The following CALN1 variants were observed in gnomAD, a reference collection of about 807,000 sequenced individuals.
CALN1 encodes the protein calneuron 1.
A neutral mutation model predicts 30.6 loss-of-function variants in CALN1; 17 were observed. The ratio of observed to expected loss-of-function variants is 0.56; its 90% CI spans 0.38 to 0.83. The LOEUF (loss-of-function observed/expected upper bound fraction) is 0.83, where lower values mean the gene tolerates loss of function less well. Among genes scored for constraint, CALN1 ranks in the 40% least tolerant of loss-of-function variants. The pLI is 0.00. For synonymous variants in CALN1, 156 were observed against 131.4 expected, an observed-to-expected ratio of 1.19 and a Z score of -1.28; for missense variants, 291 against 354.9, an observed-to-expected ratio of 0.82 and a Z score of 1.45.
At chr7:72,238,762 G>T (rs992528193) in intron 3 of CALN1, among the ~76,000 whole-genome samples, 2 of 152,136 alleles carry the variant, frequency 1.3e-5, no homozygotes, top group South Asian at 2.1e-4. Flanking sequence ...CACCATGATT[G>T]TAAGTTTCCT....
chr7:72,314,940 A>C (rs1034182827), intron 2 of CALN1, among the ~76,000 whole-genome samples: 28 of 149,944 alleles, frequency 1.9e-4, no homozygotes, highest in Non-Finnish European at 3.8e-4. Flanking sequence ...TTGAGGCCAG[A>C]GTTCAAGACC....
intron 3 of CALN1, among the ~76,000 whole-genome samples, chr7:72,278,441 C>A (rs1585340761): frequency 6.7e-6 from 1 of 149,624 alleles, no homozygotes. Flanking sequence ...ACCGAAATAT[C>A]CACCATAGAT....
chr7:71,997,245 GAAAGA>G (rs1000634278), intron 5 of CALN1, among the ~76,000 whole-genome samples: 4 of 150,368 alleles, frequency 2.7e-5, no homozygotes, highest in African/African-American at 4.9e-5. Flanking sequence ...AAAAAAAAAA[GAAAGA>G]AAGAAAGAAT....
At chr7:72,209,847 T>C (rs1792267426) in intron 3 of CALN1, among the ~76,000 whole-genome samples, 1 of 152,120 alleles carries the variant, frequency 6.6e-6, no homozygotes, top group Non-Finnish European at 1.5e-5. Context: ...AAGGCTTAGG[T>C]TCTGTTTCTT....
chr7:72,357,359 G>A (rs1457697370), intron 2 of CALN1, among the ~76,000 whole-genome samples: 1 of 151,990 alleles, frequency 6.6e-6, no homozygotes, highest in Non-Finnish European at 1.5e-5. Context: ...CTCCAGCGGA[G>A]AGGCCTCGTG....
At chr7:72,100,536 G>C (rs1806577767) in intron 4 of CALN1, among the ~76,000 whole-genome samples, 2 of 152,004 alleles carry the variant, frequency 1.3e-5, no homozygotes, top group South Asian at 4.2e-4. Flanking sequence ...AATAACTTCT[G>C]AGCCGGGCGC....
intron 4 of CALN1, among the ~76,000 whole-genome samples, chr7:72,071,058 A>C (rs142462556): frequency 1.1e-4 from 17 of 152,240 alleles, no homozygotes; most frequent in Non-Finnish European, 2.4e-4. Flanking sequence ...ATTCCAGGCT[A>C]TTGAAGGCTT....
At chr7:72,040,974 C>G (rs1020618676) in intron 4 of CALN1, among the ~76,000 whole-genome samples, 1 of 152,134 alleles carries the variant, frequency 6.6e-6, no homozygotes, top group African/African-American at 2.4e-5. Context: ...TAGAGAAGAA[C>G]AATGGGATAG....
chr7:72,074,209 G>A (rs1804583943), intron 4 of CALN1, among the ~76,000 whole-genome samples: 1 of 152,156 alleles, frequency 6.6e-6, no homozygotes, highest in Non-Finnish European at 1.5e-5. Context: ...CCAGTGAGGA[G>A]ATATAAAAGA....
At chr7:72,306,371 T>C (rs1799652530) in intron 2 of CALN1, among the ~76,000 whole-genome samples, 1 of 152,182 alleles carries the variant, frequency 6.6e-6, no homozygotes, top group African/African-American at 2.4e-5. Flanking sequence ...GTCATCTATC[T>C]ATCTGTCTCT....
chr7:71,822,409 C>T (rs1046136998), intron 5 of CALN1, among the ~76,000 whole-genome samples: 6 of 152,054 alleles, frequency 3.9e-5, no homozygotes, highest in South Asian at 2.1e-4. Flanking sequence ...CCATCATGCC[C>T]GGCTAATTTT....
chr7:71,945,575 G>T (rs1244472597), intron 5 of CALN1, among the ~76,000 whole-genome samples: 3 of 152,176 alleles, frequency 2.0e-5, no homozygotes, highest in Non-Finnish European at 4.4e-5. Context: ...TGTCAGATCA[G>T]CAGCAGCATT....
At position 72,409,771 on chromosome 7, in the gene CALN1, G is replaced by A. The variant is rs115979342; in HGVS notation, c.-74+2287C>T. On this transcript the variant is annotated intron_variant, in intron 1 of 6. Coordinates refer to ENST00000395275, the MANE Select transcript of CALN1 (RefSeq NM_031468.4). ...GGACCCCATGGAACAGTGGTTCCCA[G>A]GCTGTTACTCGAAGACCCAATTCAA... Among the ~76,000 whole-genome samples, 979 of 152,230 alleles carry A rather than the reference G, an allele frequency of 6.4e-3. 9 individuals are homozygous for A. Among genetic ancestry groups the A allele is most frequent in the African/African-American group, 0.023 (950 of 41,558 alleles).
In CALN1 at chr7:71,781,880, T is replaced by C. The variant is rs1316397121; in HGVS notation, c.*5895A>G. The C allele has an allele frequency of 3.9e-5, 6 of 152,182 alleles. No homozygotes were observed. Among genetic ancestry groups the C allele is most frequent in the Non-Finnish European group, 8.8e-5 (6 of 68,034 alleles). The allele number at this position is 152,182 out of a possible 1,614,324, so 9.4% of individuals were successfully genotyped here. A position where few individuals can be genotyped will look rare whatever the true frequency, so the allele number is the denominator to read the frequency against. On this transcript the variant is annotated 3_prime_UTR_variant, in exon 7 of 7. Transcript: ENST00000395275. ...TTTCCACTTTCAGAGGACTGTCTTG[T>C]GGGTGGGACTGGAAAAACCTCATTC...
intron 4 of CALN1, among the ~76,000 whole-genome samples, chr7:72,049,448 C>G (rs1171708840): frequency 1.3e-5 from 2 of 152,202 alleles, no homozygotes; most frequent in South Asian, 2.1e-4. Context: ...ACATCACTCA[C>G]TGTGATGAAC....
chr7:72,427,816 C>T lies in CALN1; in HGVS notation c.-225-15541G>A, dbSNP rs7786953. On this transcript the variant is annotated intron_variant, in intron 1 of 6. Coordinates refer to the CALN1 transcript ENST00000395276. Reference sequence around the variant, plus strand: ...CTTTTAAATGAGCAAAAACAGATCACATCACTGTCTTGCTTAAAGTTCTCT... The same window carrying T: ...CTTTTAAATGAGCAAAAACAGATCATATCACTGTCTTGCTTAAAGTTCTCT... Among the ~76,000 whole-genome samples, 988 of 152,140 alleles carry T rather than the reference C, an allele frequency of 6.5e-3. 8 individuals are homozygous for T. The highest frequency in any genetic ancestry group is 0.023 in the African/African-American group (945 of 41,516).
chr7:72,379,529 A>G (rs1157736399), intron 2 of CALN1, among the ~76,000 whole-genome samples: 1 of 152,246 alleles, frequency 6.6e-6, no homozygotes, highest in East Asian at 1.9e-4. Context: ...ATGTCGTTTC[A>G]AAATTTCAAC....
intron 3 of CALN1, among the ~76,000 whole-genome samples, chr7:72,112,335 T>C (rs1584966003): frequency 6.6e-6 from 1 of 152,340 alleles, no homozygotes; most frequent in East Asian, 1.9e-4. Context: ...ATTTCTCCTA[T>C]CTCAGTATGT....
At chr7:72,045,862 TGG>T (rs1802433084) in intron 4 of CALN1, among the ~76,000 whole-genome samples, 1 of 151,522 alleles carries the variant, frequency 6.6e-6, no homozygotes, top group African/African-American at 2.4e-5. Context: ...TAGCTGGGTG[TGG>T]TGGCAGTTGC....
Sources: allele counts gnomAD v4.1 joint callset (sites outside exome capture counted in the v4.1 genomes callset), GRCh38; gene constraint gnomAD v4.1.1; transcripts MANE v1.5; gene names NCBI Gene and HGNC (gene_info 2026-07-23, HGNC 2026-07-21).